Variants in ST6GALNAC3 observed in about 807,000 individuals in gnomAD.
The protein encoded by ST6GALNAC3 is alpha-N-acetylgalactosaminide alpha-2,6-sialyltransferase 3.
A neutral mutation model predicts 32.7 loss-of-function variants in ST6GALNAC3; 25 were observed. The ratio of observed to expected loss-of-function variants is 0.76; its 90% CI spans 0.56 to 1.07. The LOEUF (loss-of-function observed/expected upper bound fraction) is 1.07, where lower values mean the gene tolerates loss of function less well. Ranked by LOEUF, ST6GALNAC3 falls within the 50% of genes least tolerant of loss-of-function variation. ST6GALNAC3 has a pLI of 0.00. For missense variants in ST6GALNAC3, 355 were observed against 382.4 expected, an observed-to-expected ratio of 0.93 and a Z score of 0.60; for synonymous variants, 129 against 133.1, an observed-to-expected ratio of 0.97 and a Z score of 0.21.
intron 1 of ST6GALNAC3, chr1:76,309,990 G>T: frequency 4.0e-6 from 2 of 499,998 alleles, no homozygotes; most frequent in Admixed American, 2.1e-5. Flanking sequence ...ATACGTATGT[G>T]TTGCTGCACA....
chr1:76,631,024 C>T lies in ST6GALNAC3; in HGVS notation c.*2218C>T, dbSNP rs1355415239. On this transcript the variant is annotated 3_prime_UTR_variant, in exon 5 of 5. Transcript: ENST00000328299. ...GGCCAACTCTTATTTGTTCTAGCCC[C>T]TACTGATGAGAAACATTTGAAAACT... The T allele has an allele frequency of 1.0e-6, 1 of 985,456 alleles. No homozygotes were observed. The highest frequency in any genetic ancestry group is 4.7e-5 in the South Asian group (1 of 21,288). 61.0% of individuals were successfully genotyped at this position (985,456 alleles called of 1,614,324 possible).
chr1:76,354,382 C>T (rs976262713), intron 2 of ST6GALNAC3: 2 of 152,146 alleles, frequency 1.3e-5, no homozygotes, highest in East Asian at 1.9e-4. Flanking sequence ...ATGTCAGTTC[C>T]GTGAAAAAAG....
chr1:76,157,268 AC>A (rs1429704432), intron 1 of ST6GALNAC3, among the ~76,000 whole-genome samples: 1 of 152,210 alleles, frequency 6.6e-6, no homozygotes, highest in East Asian at 1.9e-4. Context: ...TTAAGCTGTT[AC>A]ATGTCTCCAG....
chr1:76,623,510 T>C (rs1648772035), intron 3 of ST6GALNAC3, among the ~76,000 whole-genome samples: 1 of 151,828 alleles, frequency 6.6e-6, no homozygotes, highest in African/African-American at 2.4e-5. Flanking sequence ...TCCCCAAATG[T>C]GGAAGGTAAA....
At chr1:76,485,112 G>T (rs1660020477) in intron 3 of ST6GALNAC3, among the ~76,000 whole-genome samples, 1 of 152,178 alleles carries the variant, frequency 6.6e-6, no homozygotes, top group African/African-American at 2.4e-5. Flanking sequence ...TGTGCTGCTG[G>T]ATTCGGTTTG....
At chr1:76,492,414 T>TA (rs1320504545) in intron 3 of ST6GALNAC3, among the ~76,000 whole-genome samples, 4 of 152,042 alleles carry the variant, frequency 2.6e-5, no homozygotes, top group African/African-American at 9.7e-5. Context: ...ATAGGTATAG[T>TA]AAAAATTAAA....
intron 3 of ST6GALNAC3, among the ~76,000 whole-genome samples, chr1:76,459,457 G>A (rs969946338): frequency 2.0e-5 from 3 of 152,098 alleles, no homozygotes; most frequent in South Asian, 2.1e-4. Flanking sequence ...CCAGCTACTC[G>A]GGAGGCTGAG....
intron 1 of ST6GALNAC3, among the ~76,000 whole-genome samples, chr1:76,215,132 T>C (rs1454571595): frequency 1.3e-5 from 2 of 152,142 alleles, no homozygotes; most frequent in African/African-American, 2.4e-5. Context: ...ACTGATTAAA[T>C]TTGTGGATGA....
chr1:76,509,026 C>A lies in ST6GALNAC3; in HGVS notation c.623+96609C>A, dbSNP rs1247032565. ...TAGGCTAGGTCTGGGATGCTTCTAA[C>A]ATGAGTCTAAGAGTTGAACAGCTTG... On this transcript the variant is annotated intron_variant, in intron 3 of 4. Coordinates refer to ENST00000328299, the MANE Select transcript of ST6GALNAC3 (RefSeq NM_152996.4). The surrounding 1 kb of genome is among the most constrained non-coding windows in gnomAD (Gnocchi z 5.5). 6.6e-6 allele frequency among the ~76,000 whole-genome samples: 1 copy of A among 152,146 alleles called. No homozygotes were observed. The highest frequency in any genetic ancestry group is 6.5e-5 in the Admixed American group (1 of 15,274).
chr1:76,448,595 A>G (rs1195311055), intron 3 of ST6GALNAC3, among the ~76,000 whole-genome samples: 1 of 152,154 alleles, frequency 6.6e-6, no homozygotes, highest in East Asian at 1.9e-4. Context: ...TAATTGAATC[A>G]TGGGTGCAGG....
chr1:76,256,076 A>G (rs1461551416), intron 1 of ST6GALNAC3, among the ~76,000 whole-genome samples: 1 of 151,672 alleles, frequency 6.6e-6, no homozygotes, highest in Non-Finnish European at 1.5e-5. Context: ...CCCAAGTCTA[A>G]CTTGGCAAAA....
intron 2 of ST6GALNAC3, among the ~76,000 whole-genome samples, chr1:76,354,774 C>T (rs541812442): frequency 3.9e-5 from 6 of 152,238 alleles, no homozygotes; most frequent in African/African-American, 1.2e-4. Flanking sequence ...GGGATGTATT[C>T]AGTATTGACA....
chr1:76,630,452 C>T lies in ST6GALNAC3; in HGVS notation c.*1646C>T, dbSNP rs1481432921. 2.7e-5 allele frequency: 27 copies of T among 984,944 alleles called. No homozygotes were observed. Among genetic ancestry groups the T allele is most frequent in the South Asian group, 2.4e-4 (5 of 21,274 alleles). 61.0% of individuals were successfully genotyped at this position (984,944 alleles called of 1,614,324 possible). On this transcript the variant is annotated 3_prime_UTR_variant, in exon 5 of 5. Coordinates refer to ENST00000328299, the MANE Select transcript of ST6GALNAC3 (RefSeq NM_152996.4). Reference sequence around the variant, plus strand: ...GAGACAATTCTATTTTTCATATACTCGTTGCTCATTAAATAGTAAAGGGTT... The same window carrying T: ...GAGACAATTCTATTTTTCATATACTTGTTGCTCATTAAATAGTAAAGGGTT...
intron 3 of ST6GALNAC3, among the ~76,000 whole-genome samples, chr1:76,603,695 T>C (rs965191583): frequency 1.6e-4 from 25 of 152,280 alleles, no homozygotes; most frequent in Middle Eastern, 3.4e-3. Flanking sequence ...TTTTTAGAGA[T>C]GAAGTCTCAC....
chr1:76,455,991 G>A (rs1657754472), intron 3 of ST6GALNAC3, among the ~76,000 whole-genome samples: 1 of 152,048 alleles, frequency 6.6e-6, no homozygotes, highest in Admixed American at 6.6e-5. Flanking sequence ...TTTGAGACCA[G>A]CCTGGCCAAC....
chr1:76,381,229 T>C (rs1390301119), intron 2 of ST6GALNAC3, among the ~76,000 whole-genome samples: 1 of 144,888 alleles, frequency 6.9e-6, no homozygotes, highest in East Asian at 2.0e-4. Flanking sequence ...GTTAGTGTGA[T>C]GATAAGAGAT....
At chr1:76,267,087 C>T (rs1658574324) in intron 1 of ST6GALNAC3, among the ~76,000 whole-genome samples, 1 of 152,196 alleles carries the variant, frequency 6.6e-6, no homozygotes. Flanking sequence ...AGTATCCCAC[C>T]TCCCTTCCAG....
At chr1:76,465,086 G>C (rs966748144) in intron 3 of ST6GALNAC3, among the ~76,000 whole-genome samples, 1 of 152,186 alleles carries the variant, frequency 6.6e-6, no homozygotes, top group East Asian at 1.9e-4. Context: ...AGAGGGCATG[G>C]AATTTGAGGG....
At chr1:76,119,188 A>C (rs1291205413) in intron 1 of ST6GALNAC3, among the ~76,000 whole-genome samples, 1 of 152,196 alleles carries the variant, frequency 6.6e-6, no homozygotes, top group African/African-American at 2.4e-5. Flanking sequence ...ACAAGGGAGG[A>C]ATCTCCAAGT....
Sources: allele counts gnomAD v4.1 joint callset (sites outside exome capture counted in the v4.1 genomes callset), GRCh38; gene constraint gnomAD v4.1.1; non-coding constraint Gnocchi (gnomAD v3.1); transcripts MANE v1.5; gene names NCBI Gene and HGNC (gene_info 2026-07-23, HGNC 2026-07-21).